The following MAP3K13 variants were observed in gnomAD, a reference collection of about 807,000 sequenced individuals.
MAP3K13 encodes leucine zipper-bearing kinase.
Under a neutral mutation model 104.0 loss-of-function variants are expected in MAP3K13, and 52 were observed. The ratio of observed to expected loss-of-function variants is 0.50; its 90% CI spans 0.40 to 0.63. The LOEUF is 0.63. MAP3K13 is among the 20% of genes least tolerant of loss of function. The pLI, the probability that MAP3K13 is intolerant of heterozygous loss-of-function variation, is 0.00. For synonymous variants in MAP3K13, 394 were observed against 442.2 expected (o/e 0.89, Z 1.37); for missense variants, 914 against 1,218.5 (o/e 0.75, Z 3.72).
intron 2 of MAP3K13, among the ~76,000 whole-genome samples, chr3:185,323,052 T>A (rs1312463426): frequency 1.3e-5 from 2 of 149,972 alleles, no homozygotes; most frequent in African/African-American, 5.0e-5. Flanking sequence ...GGGAAAAAAG[T>A]CTATCTATTG....
At chr3:185,384,436 G>C (rs981848145) in intron 1 of MAP3K13, among the ~76,000 whole-genome samples, 1 of 151,936 alleles carries the variant, frequency 6.6e-6, no homozygotes, top group African/African-American at 2.4e-5. Context: ...TGGGGATGCA[G>C]GTATCCCTTT....
At chr3:185,351,933 G>T (rs1251840844) in intron 2 of MAP3K13, among the ~76,000 whole-genome samples, 3 of 152,132 alleles carry the variant, frequency 2.0e-5, no homozygotes, top group Admixed American at 1.3e-4. Context: ...ATTGCCTAGG[G>T]TGTTGTCATC....
intron 2 of MAP3K13, among the ~76,000 whole-genome samples, chr3:185,437,028 AAAAAT>A (rs1406536883): frequency 0.029 from 4,047 of 140,388 alleles, 166 homozygotes; most frequent in South Asian, 0.079. Flanking sequence ...AAAAAAAAAA[AAAAAT>A]TAGCAAAGAT....
chr3:185,352,184 C>T (rs565593193), intron 2 of MAP3K13, among the ~76,000 whole-genome samples: 1 of 152,316 alleles, frequency 6.6e-6, no homozygotes, highest in East Asian at 1.9e-4. Flanking sequence ...GTGGCTCACT[C>T]CTGTAATCCC....
At chr3:185,323,382 G>A (rs1387929125) in intron 2 of MAP3K13, among the ~76,000 whole-genome samples, 2 of 148,720 alleles carry the variant, frequency 1.3e-5, no homozygotes, top group African/African-American at 5.0e-5. Flanking sequence ...TGTTGCCCAG[G>A]CCGGAGTGCA....
intron 2 of MAP3K13, among the ~76,000 whole-genome samples, chr3:185,328,344 A>G (rs1348177829): frequency 1.3e-5 from 2 of 152,082 alleles, no homozygotes; most frequent in African/African-American, 2.4e-5. Context: ...GTTTTTTGAA[A>G]TGGAGTTTCA....
At chr3:185,419,157 C>G (rs1405658562) in intron 1 of MAP3K13, among the ~76,000 whole-genome samples, 1 of 151,916 alleles carries the variant, frequency 6.6e-6, no homozygotes, top group African/African-American at 2.4e-5. Flanking sequence ...GCTGGGACTA[C>G]AGGTGTGCTA....
In MAP3K13 at chr3:185,486,070, C is replaced by T. The variant is rs1718703923; in HGVS notation, c.*3614C>T. The T allele has an allele frequency of 6.6e-6, 1 of 152,200 alleles. No individual in the cohort carries two copies. Among genetic ancestry groups the T allele is most frequent in the African/African-American group, 2.4e-5 (1 of 41,460 alleles). 9.4% of individuals were successfully genotyped at this position (152,200 alleles called of 1,614,324 possible). A position where few individuals can be genotyped will look rare whatever the true frequency, so the allele number is the denominator to read the frequency against. ...TCTTCTTTCTATCCAACATAAAACA[C>T]TGGCAGTTTTGTCCAATTCTTGCCC... On this transcript the variant is annotated 3_prime_UTR_variant, in exon 14 of 14. Transcript: ENST00000265026.
In MAP3K13 at chr3:185,448,189, A is replaced by G. The variant is rs758508707; in HGVS notation, c.1010+242A>G. Reference sequence around the variant, plus strand: ...ACCAGTTTGGGGGACCTCAGAGAATATGCTGAACTTTCTAGGAAACTGAAA... The same window carrying G: ...ACCAGTTTGGGGGACCTCAGAGAATGTGCTGAACTTTCTAGGAAACTGAAA... On this transcript the variant is annotated intron_variant, in intron 5 of 13. Transcript: ENST00000265026. 309 of 594,800 alleles carry G rather than the reference A, an allele frequency of 5.2e-4. 2 individuals are homozygous for G. Among genetic ancestry groups the G allele is most frequent in the Non-Finnish European group, 8.2e-4 (269 of 328,212 alleles). The allele number at this position is 594,800 out of a possible 1,614,324, so 36.8% of individuals were successfully genotyped here. A position where few individuals can be genotyped will look rare whatever the true frequency, so the allele number is the denominator to read the frequency against.
intron 2 of MAP3K13, among the ~76,000 whole-genome samples, chr3:185,313,956 G>A (rs1422739371): frequency 6.6e-6 from 1 of 152,144 alleles, no homozygotes; most frequent in African/African-American, 2.4e-5. Context: ...TGGATCCCTG[G>A]GGTTTAGGGC....
chr3:185,400,937 T>C (rs1053311378), intron 1 of MAP3K13, among the ~76,000 whole-genome samples: 1 of 147,488 alleles, frequency 6.8e-6, no homozygotes, highest in African/African-American at 2.5e-5. Flanking sequence ...TCTTTTGATC[T>C]GCTAATACTG....
chr3:185,457,392 G>A (rs1364535730), intron 7 of MAP3K13, among the ~76,000 whole-genome samples: 2 of 152,228 alleles, frequency 1.3e-5, no homozygotes, highest in African/African-American at 2.4e-5. Context: ...TTAGTCTCAC[G>A]GTTCTGGAGA....
intron 1 of MAP3K13, among the ~76,000 whole-genome samples, chr3:185,384,274 T>G (rs1303464995): frequency 6.6e-6 from 1 of 151,846 alleles, no homozygotes; most frequent in East Asian, 1.9e-4. Context: ...ATGACTGCAT[T>G]CCATTCTTTT....
chr3:185,300,431 C>G lies in MAP3K13; in HGVS notation c.-86+14788C>G, dbSNP rs1293443233. ...ACAGGTGATCCACCTGCCTTGGCCT[C>G]CCAAAGTGCTGGGATTACAGGCGTG... On this transcript the variant is annotated intron_variant, in intron 2 of 14. Transcript: ENST00000424227. 2.0e-5 allele frequency among the ~76,000 whole-genome samples: 3 copies of G among 151,996 alleles called. No homozygotes were observed. The East Asian group carries it at 5.8e-4, about 29-fold the overall frequency.
Position 185,339,250 on chromosome 3 carries a change from C to T in MAP3K13, c.-86+53607C>T, listed in dbSNP as rs769963230. ...AGGAGAATTGCTTGAACCAGGGAGG[C>T]GGAGGTTGCAGTGAGATGAGATCGT... On this transcript the variant is annotated intron_variant, in intron 2 of 14. Coordinates refer to the MAP3K13 transcript ENST00000424227. 4.6e-5 allele frequency among the ~76,000 whole-genome samples: 7 copies of T among 152,150 alleles called. No homozygotes were observed. The East Asian group carries it at 1.2e-3, about 25-fold the overall frequency.
In MAP3K13 at chr3:185,488,397, C is replaced by T. The variant is rs1323946046; in HGVS notation, c.*5941C>T. On this transcript the variant is annotated 3_prime_UTR_variant, in exon 14 of 14. Transcript: ENST00000265026. The stretch of plus-strand genomic sequence containing the variant: ...ACAACTGATACTGCAAAAGCCTATT[C>T]AAGTCGGACTGAACTAGGCTAAGCA... 1 of 152,194 alleles carries T rather than the reference C, an allele frequency of 6.6e-6. No individual in the cohort carries two copies. Among genetic ancestry groups the T allele is most frequent in the Non-Finnish European group, 1.5e-5 (1 of 68,048 alleles). 9.4% of individuals were successfully genotyped at this position (152,194 alleles called of 1,614,324 possible).
intron 2 of MAP3K13, among the ~76,000 whole-genome samples, chr3:185,308,009 CTTTTTTTTTTT>C (rs33949195): frequency 3.2e-5 from 1 of 31,566 alleles, no homozygotes; most frequent in African/African-American, 1.2e-4. Context: ...TCTTTGGGGT[CTTTTTTTTTTT>C]TTTTTTTTTT....
chr3:185,324,283 G>T (rs1166930667), intron 2 of MAP3K13, among the ~76,000 whole-genome samples: 2 of 152,170 alleles, frequency 1.3e-5, no homozygotes, highest in African/African-American at 4.8e-5. Flanking sequence ...CTCCCAAAGT[G>T]CTGGGATTAC....
intron 1 of MAP3K13, among the ~76,000 whole-genome samples, chr3:185,390,041 G>T (rs773119752): frequency 6.6e-6 from 1 of 151,974 alleles, no homozygotes. Flanking sequence ...TAGTGGCCAC[G>T]GGGGATCTCC....
Sources: allele counts gnomAD v4.1 joint callset (sites outside exome capture counted in the v4.1 genomes callset), GRCh38; gene constraint gnomAD v4.1.1; transcripts MANE v1.5; gene names NCBI Gene and HGNC (gene_info 2026-07-23, HGNC 2026-07-21).